KIF6: variants seen among roughly 807,000 people sequenced by gnomAD.
KIF6 encodes kinesin-like protein KIF6.
Under a neutral mutation model 112.7 loss-of-function variants are expected in KIF6, and 106 were observed. The ratio of observed to expected loss-of-function variants is 0.94; its 90% CI spans 0.80 to 1.11. The LOEUF (loss-of-function observed/expected upper bound fraction) is 1.11. Ranked by LOEUF, KIF6 falls within the 50% of genes least tolerant of loss-of-function variation. KIF6 has a pLI of 0.00. For synonymous variants in KIF6, 339 were observed against 339.9 expected, an observed-to-expected ratio of 1.00 and a Z score of 0.03; for missense variants, 929 against 964.0, an observed-to-expected ratio of 0.96 and a Z score of 0.48.
chr6:39,641,733 T>C (rs1249279138), intron 3 of KIF6, among the ~76,000 whole-genome samples: 1 of 152,036 alleles, frequency 6.6e-6, no homozygotes. Context: ...GATATAGATA[T>C]AGACTACGAA....
chr6:39,574,816 T>C (rs1780845163), intron 10 of KIF6, among the ~76,000 whole-genome samples: 1 of 152,200 alleles, frequency 6.6e-6, no homozygotes, highest in Non-Finnish European at 1.5e-5. Context: ...ATGACACTTT[T>C]CTTTTAACCT....
At chr6:39,658,886 T>C (rs1472760754) in intron 3 of KIF6, among the ~76,000 whole-genome samples, 1 of 152,210 alleles carries the variant, frequency 6.6e-6, no homozygotes, top group African/African-American at 2.4e-5. Context: ...TGGGGCTTTC[T>C]TTTGAGTTAT....
chr6:39,361,051 C>T (rs191627127), intron 17 of KIF6, among the ~76,000 whole-genome samples: 108 of 152,282 alleles, frequency 7.1e-4, no homozygotes, highest in African/African-American at 2.5e-3. Flanking sequence ...CTCACCATTC[C>T]GCTGGCTCAC....
At chr6:39,604,307 T>C (rs1782749858) in intron 6 of KIF6, among the ~76,000 whole-genome samples, 1 of 152,160 alleles carries the variant, frequency 6.6e-6, no homozygotes, top group South Asian at 2.1e-4. Context: ...GTTCTTCCCA[T>C]ATTAAATGAA....
chr6:39,408,340 A>G (rs1769230897), intron 15 of KIF6, among the ~76,000 whole-genome samples: 1 of 152,208 alleles, frequency 6.6e-6, no homozygotes, highest in African/African-American at 2.4e-5. Flanking sequence ...AAATACACGT[A>G]TACTGTTGCT....
intron 13 of KIF6, among the ~76,000 whole-genome samples, chr6:39,504,920 C>T (rs1045041489): frequency 4.6e-5 from 7 of 152,176 alleles, no homozygotes; most frequent in African/African-American, 7.2e-5. Context: ...AATGGCCATA[C>T]TGCCCAAAGC....
intron 13 of KIF6, among the ~76,000 whole-genome samples, chr6:39,439,553 C>T (rs985362717): frequency 2.6e-5 from 4 of 152,196 alleles, no homozygotes; most frequent in Admixed American, 2.0e-4. Context: ...GGTGTAATCT[C>T]TTCTGAACTT....
At chr6:39,416,479 T>C (rs1769929354) in intron 15 of KIF6, among the ~76,000 whole-genome samples, 1 of 152,200 alleles carries the variant, frequency 6.6e-6, no homozygotes, top group African/African-American at 2.4e-5. Context: ...ACACAGACTC[T>C]TATTATTTTT....
chr6:39,518,751 A>G (rs1413780767), intron 13 of KIF6, among the ~76,000 whole-genome samples: 1 of 152,242 alleles, frequency 6.6e-6, no homozygotes, highest in Non-Finnish European at 1.5e-5. Context: ...TCACTGTCTG[A>G]CACTCGTTGA....
intron 13 of KIF6, among the ~76,000 whole-genome samples, chr6:39,521,480 G>A (rs558811474): frequency 2.0e-5 from 3 of 152,188 alleles, no homozygotes; most frequent in South Asian, 4.2e-4. Context: ...TTTCAGGAAC[G>A]GCCTCCAAGT....
chr6:39,683,393 A>T (rs1386761438), intron 3 of KIF6, among the ~76,000 whole-genome samples: 2 of 152,224 alleles, frequency 1.3e-5, no homozygotes, highest in Non-Finnish European at 2.9e-5. Context: ...GCAAATCAGA[A>T]TGACTGGAGC....
chr6:39,392,631 G>C (rs907685688), intron 15 of KIF6, among the ~76,000 whole-genome samples: 1 of 152,164 alleles, frequency 6.6e-6, no homozygotes, highest in East Asian at 1.9e-4. Context: ...CAAATAAAAA[G>C]TACAGAGACT....
intron 13 of KIF6, among the ~76,000 whole-genome samples, chr6:39,519,519 A>G (rs1389405507): frequency 6.6e-6 from 1 of 152,186 alleles, no homozygotes; most frequent in Non-Finnish European, 1.5e-5. Context: ...ACATATTGAC[A>G]GGTATTCTGA....
intron 18 of KIF6, 135 bp from the exon 19 acceptor site, chr6:39,357,509 C>G: frequency 1.8e-6 from 1 of 552,564 alleles, no homozygotes; most frequent in South Asian, 2.2e-5. Context: ...AGTGCAGTGG[C>G]GCGATCTCAG....
chr6:39,663,487 G>A (rs1201286238), intron 3 of KIF6, among the ~76,000 whole-genome samples: 1 of 152,130 alleles, frequency 6.6e-6, no homozygotes, highest in East Asian at 1.9e-4. Context: ...ACCAAAGGCA[G>A]AAGCATGGCC....
chr6:39,722,401 T>C (rs893782910), intron 1 of KIF6, among the ~76,000 whole-genome samples: 62 of 152,282 alleles, frequency 4.1e-4, no homozygotes, highest in Middle Eastern at 3.4e-3. Context: ...TTCATAAAAA[T>C]ATTATTTGAG....
chr6:39,463,454 G>T (rs996711672), intron 13 of KIF6, among the ~76,000 whole-genome samples: 5 of 152,092 alleles, frequency 3.3e-5, no homozygotes, highest in Admixed American at 2.6e-4. Flanking sequence ...CAAAAGAGAC[G>T]AATAATCTCT....
At chr6:39,643,502 C>G (rs764782646) in intron 3 of KIF6, among the ~76,000 whole-genome samples, 1 of 152,072 alleles carries the variant, frequency 6.6e-6, no homozygotes, top group Non-Finnish European at 1.5e-5. Flanking sequence ...AATTAAGAAT[C>G]CAGAAATAGA....
chr6:39,384,927 G>A (rs1767284124), intron 16 of KIF6, among the ~76,000 whole-genome samples: 2 of 152,170 alleles, frequency 1.3e-5, no homozygotes, highest in Admixed American at 1.3e-4. Flanking sequence ...ATCAAAAAAG[G>A]GTGTTTTCTG....
Sources: allele counts gnomAD v4.1 joint callset (sites outside exome capture counted in the v4.1 genomes callset), GRCh38; gene constraint gnomAD v4.1.1; transcripts MANE v1.5; gene names NCBI Gene and HGNC (gene_info 2026-07-23, HGNC 2026-07-21).